GLIS3: variants seen among roughly 807,000 people sequenced by gnomAD.
The protein encoded by GLIS3 is zinc finger protein GLIS3.
A neutral mutation model predicts 78.6 loss-of-function variants in GLIS3; 53 were observed. That is an observed-to-expected ratio of 0.67 (90% CI 0.54 to 0.85). GLIS3 has a LOEUF of 0.85. Among genes scored for constraint, GLIS3 ranks in the 40% least tolerant of loss-of-function variants. GLIS3 has a pLI of 0.00. For missense variants in GLIS3, 1,703 were observed against 1,231.1 expected, an observed-to-expected ratio of 1.38 and a Z score of -5.74; for synonymous variants, 684 against 509.9, an observed-to-expected ratio of 1.34 and a Z score of -4.60.
intron 4 of GLIS3, among the ~76,000 whole-genome samples, chr9:4,012,029 C>T (rs1822056818): frequency 6.6e-6 from 1 of 152,086 alleles, no homozygotes; most frequent in South Asian, 2.1e-4. Context: ...TGCAGAAAGC[C>T]TTCCCGTAAA....
intron 2 of GLIS3, among the ~76,000 whole-genome samples, chr9:4,181,314 G>T (rs1817305544): frequency 6.6e-6 from 1 of 152,176 alleles, no homozygotes; most frequent in South Asian, 2.1e-4. Flanking sequence ...TCGTTCACAG[G>T]AACCATCCTC....
chr9:3,871,360 C>T (rs981665597), intron 8 of GLIS3, among the ~76,000 whole-genome samples: 4 of 152,236 alleles, frequency 2.6e-5, no homozygotes, highest in Admixed American at 6.5e-5. Flanking sequence ...CACAGCTCCA[C>T]TAGACAGTGT....
intron 2 of GLIS3, among the ~76,000 whole-genome samples, chr9:4,328,637 G>A (rs1299035438): frequency 1.3e-5 from 2 of 152,206 alleles, no homozygotes; most frequent in Admixed American, 1.3e-4. Flanking sequence ...CAAGGAAGTC[G>A]TCCTGAAGCC....
At chr9:4,344,083 T>C (rs986004172) in intron 2 of GLIS3, among the ~76,000 whole-genome samples, 4 of 152,128 alleles carry the variant, frequency 2.6e-5, no homozygotes, top group Non-Finnish European at 5.9e-5. Flanking sequence ...GAAAGAAATA[T>C]TATAATAATA....
rs116141786 is a variant in GLIS3, at chr9:3,940,158, A to G, written c.1711-2969T>C. Among the ~76,000 whole-genome samples, 194 of 152,366 alleles carry G rather than the reference A, an allele frequency of 1.3e-3. 2 individuals carry two copies. Among genetic ancestry groups the G allele is most frequent in the African/African-American group, 4.6e-3 (192 of 41,590 alleles). ...CCGCTAGATTTATAAGTTCAATTAA[A>G]TGCAAATGCATTACAAATAAAACAA... On this transcript the variant is annotated intron_variant, in intron 4 of 10. Transcript: ENST00000381971.
At chr9:3,949,135 G>C (rs912296841) in intron 4 of GLIS3, among the ~76,000 whole-genome samples, 1 of 152,158 alleles carries the variant, frequency 6.6e-6, no homozygotes, top group African/African-American at 2.4e-5. Context: ...AAGGAGATAA[G>C]AAAAAGAACA....
chr9:4,097,277 A>C (rs1481952299), intron 4 of GLIS3, among the ~76,000 whole-genome samples: 1 of 152,108 alleles, frequency 6.6e-6, no homozygotes, highest in African/African-American at 2.4e-5. Flanking sequence ...ATTTTCCAGG[A>C]TTCAAAGTAA....
At chr9:4,388,717 A>G in the GLIS3 span, among the ~76,000 whole-genome samples, 1,603 of 152,186 alleles carry the variant, frequency 0.011, 34 homozygotes, top group African/African-American at 0.036. Flanking sequence ...ACAAAAAATA[A>G]AAGTCTCCAG....
At chr9:4,252,491 G>C (rs1824494793) in intron 2 of GLIS3, among the ~76,000 whole-genome samples, 1 of 151,918 alleles carries the variant, frequency 6.6e-6, no homozygotes, top group South Asian at 2.1e-4. Context: ...TATTATTCTA[G>C]TAAGCAATTC....
chr9:4,152,857 C>T (rs1356453161), intron 2 of GLIS3, among the ~76,000 whole-genome samples: 1 of 152,094 alleles, frequency 6.6e-6, no homozygotes, highest in Admixed American at 6.5e-5. Flanking sequence ...TTTCTGAAGA[C>T]CTAAATAAAC....
chr9:4,381,218 T>C, the GLIS3 span, among the ~76,000 whole-genome samples: 1 of 152,108 alleles, frequency 6.6e-6, no homozygotes. Context: ...ATAAAATGAG[T>C]TCAACATGAA....
chr9:4,232,302 G>A (rs367757567), intron 2 of GLIS3, among the ~76,000 whole-genome samples: 14 of 148,634 alleles, frequency 9.4e-5, no homozygotes, highest in African/African-American at 3.5e-4. Context: ...GATCACTTGA[G>A]CCCATGAGTT....
rs201132217 is a variant in GLIS3, at chr9:3,828,387, G to A, written c.2678C>T (p.Ser893Phe). The A allele has an allele frequency of 7.3e-5, 117 of 1,613,484 alleles. No individual in the cohort carries two copies. The East Asian group carries it at 2.2e-3, about 30-fold the overall frequency. Reference sequence around the variant, plus strand: ...GAGAGACTCCCCAAAGAGGCTCGAGGAACTTGAAGGTAAATCATACACTGG... The same window carrying A: ...GAGAGACTCCCCAAAGAGGCTCGAGAAACTTGAAGGTAAATCATACACTGG... Reference protein sequence around the residue: ...GITVYDLPSSSSSLFGESLRS... With the variant: ...GITVYDLPSSFSSLFGESLRS... Residue 893 changes from serine to phenylalanine, a missense_variant, in exon 11 of 11, where the codon TCC (serine) becomes TTC (phenylalanine). By Grantham distance (155) the Ser-to-Phe change is radical. Transcript: ENST00000381971.
chr9:4,159,807 T>C (rs1414116999), intron 2 of GLIS3, among the ~76,000 whole-genome samples: 4 of 152,130 alleles, frequency 2.6e-5, no homozygotes, highest in Non-Finnish European at 5.9e-5. Flanking sequence ...AGATCTCTCT[T>C]GTGACCAACA....
chr9:4,355,061 G>T, the GLIS3 span, among the ~76,000 whole-genome samples: 1 of 151,072 alleles, frequency 6.6e-6, no homozygotes, highest in Admixed American at 6.6e-5. Flanking sequence ...AACCCGGGAG[G>T]CGGAGGTTGC....
chr9:4,055,544 T>G (rs1386811218), intron 4 of GLIS3, among the ~76,000 whole-genome samples: 1 of 152,172 alleles, frequency 6.6e-6, no homozygotes, highest in African/African-American at 2.4e-5. Context: ...AGAGAATTTG[T>G]GACATCAAAC....
chr9:4,224,718 T>G (rs894578808), intron 2 of GLIS3, among the ~76,000 whole-genome samples: 1 of 130,890 alleles, frequency 7.6e-6, no homozygotes, highest in Non-Finnish European at 1.6e-5. Context: ...TTCATCTTTT[T>G]CTGTTTTTTT....
At chr9:4,140,086 C>T (rs903099398) in intron 2 of GLIS3, among the ~76,000 whole-genome samples, 1 of 152,148 alleles carries the variant, frequency 6.6e-6, no homozygotes, top group South Asian at 2.1e-4. Flanking sequence ...TCGTCATAGC[C>T]GCCAGACCAG....
intron 2 of GLIS3, among the ~76,000 whole-genome samples, chr9:4,161,136 A>T (rs979571864): frequency 2.0e-4 from 30 of 151,646 alleles, no homozygotes; most frequent in Non-Finnish European, 3.7e-4. Context: ...TTTGTTAATT[A>T]TTCAGGCATG....
Sources: allele counts gnomAD v4.1 joint callset (sites outside exome capture counted in the v4.1 genomes callset), GRCh38; gene constraint gnomAD v4.1.1; transcripts MANE v1.5; gene names NCBI Gene and HGNC (gene_info 2026-07-23, HGNC 2026-07-21).